The following ATP10B variants were observed in gnomAD, a reference collection of about 807,000 sequenced individuals.
ATP10B encodes the protein ATPase phospholipid transporting 10B (putative).
ATP10B carries 122 observed loss-of-function variants against 141.2 expected under a neutral mutation model. The ratio of observed to expected loss-of-function variants is 0.86; its 90% CI spans 0.75 to 1.00. The LOEUF (loss-of-function observed/expected upper bound fraction) is 1.00. ATP10B is among the 50% of genes least tolerant of loss of function. ATP10B has a pLI of 0.00. For synonymous variants in ATP10B, 685 were observed against 692.0 expected (o/e 0.99, Z 0.16); for missense variants, 1,876 against 1,825.3 (o/e 1.03, Z -0.51).
chr5:160,598,334 C>T (rs962799863), intron 22 of ATP10B, among the ~76,000 whole-genome samples: 7 of 151,850 alleles, frequency 4.6e-5, no homozygotes, highest in Admixed American at 1.3e-4. Context: ...GGGAATTGAA[C>T]AATGAGAACA....
At chr5:160,783,877 C>T (rs1003425462) in intron 2 of ATP10B, among the ~76,000 whole-genome samples, 20 of 152,030 alleles carry the variant, frequency 1.3e-4, no homozygotes, top group African/African-American at 3.9e-4. Flanking sequence ...CCCTGTTCAC[C>T]GCCTCCAAGC....
chr5:160,674,976 T>C (rs1762932543), intron 6 of ATP10B, among the ~76,000 whole-genome samples: 1 of 152,162 alleles, frequency 6.6e-6, no homozygotes, highest in African/African-American at 2.4e-5. Context: ...CTTTGTCTCC[T>C]CCACTGTCAG....
intron 6 of ATP10B, among the ~76,000 whole-genome samples, chr5:160,681,983 C>T (rs1299457788): frequency 1.3e-5 from 2 of 152,194 alleles, no homozygotes; most frequent in African/African-American, 4.8e-5. Flanking sequence ...CCATAGTCAC[C>T]ACCATTCCCT....
chr5:160,898,443 A>G, the ATP10B span, among the ~76,000 whole-genome samples: 1 of 152,248 alleles, frequency 6.6e-6, no homozygotes, highest in East Asian at 1.9e-4. Flanking sequence ...AACCACAATG[A>G]GATACCATCT....
At chr5:160,651,431 C>A (rs1454399507) in intron 7 of ATP10B, among the ~76,000 whole-genome samples, 1 of 152,112 alleles carries the variant, frequency 6.6e-6, no homozygotes, top group Admixed American at 6.5e-5. Context: ...CTACGTTCAA[C>A]TCATGAGCCT....
At chr5:160,639,433 G>GTAA (rs1759660277) in intron 10 of ATP10B, among the ~76,000 whole-genome samples, 1 of 152,178 alleles carries the variant, frequency 6.6e-6, no homozygotes, top group South Asian at 2.1e-4. Flanking sequence ...GCCCAATGAT[G>GTAA]TAATCACAGG....
chr5:160,777,433 G>T (rs1330179576), intron 2 of ATP10B, among the ~76,000 whole-genome samples: 1 of 152,214 alleles, frequency 6.6e-6, no homozygotes, highest in African/African-American at 2.4e-5. Context: ...GCTTCCCACA[G>T]CTGCACTGGG....
chr5:160,806,621 CAAT>C (rs1399049726), intron 1 of ATP10B, among the ~76,000 whole-genome samples: 4 of 152,322 alleles, frequency 2.6e-5, no homozygotes, highest in African/African-American at 9.6e-5. Context: ...GGAACAACAA[CAAT>C]GATTAACATG....
chr5:160,815,979 A>C (rs972714881), intron 1 of ATP10B, among the ~76,000 whole-genome samples: 22 of 152,054 alleles, frequency 1.4e-4, no homozygotes, highest in South Asian at 2.1e-4. Flanking sequence ...ACAAAGACAC[A>C]ACATACCAGA....
chr5:160,733,773 A>G (rs1422740033), intron 2 of ATP10B, among the ~76,000 whole-genome samples: 1 of 151,986 alleles, frequency 6.6e-6, no homozygotes, highest in East Asian at 1.9e-4. Context: ...CCAAAGAAAA[A>G]AAATCAACTC....
intron 2 of ATP10B, among the ~76,000 whole-genome samples, chr5:160,738,279 T>C (rs905678600): frequency 1.3e-5 from 2 of 152,038 alleles, no homozygotes; most frequent in Non-Finnish European, 2.9e-5. Context: ...TAAATGAGTG[T>C]TTGAGAAATA....
chr5:160,910,151 A>G, the ATP10B span, among the ~76,000 whole-genome samples: 17 of 152,204 alleles, frequency 1.1e-4, no homozygotes, highest in African/African-American at 3.6e-4. Context: ...CTGACTCTTA[A>G]GAAGCCTGTA....
chr5:160,767,541 T>C (rs890921279), intron 2 of ATP10B, among the ~76,000 whole-genome samples: 2 of 151,892 alleles, frequency 1.3e-5, no homozygotes, highest in Non-Finnish European at 2.9e-5. Context: ...ATTGGAATTA[T>C]CTGTTGCCAT....
chr5:160,650,118 T>TCATATATATA (rs1554100202), intron 7 of ATP10B, among the ~76,000 whole-genome samples: 1 of 145,974 alleles, frequency 6.9e-6, no homozygotes, highest in African/African-American at 2.6e-5. Flanking sequence ...AAAAAAAATT[T>TCATATATATA]TATATATATA....
At chr5:160,566,861 T>A (rs1464793159) in intron 25 of ATP10B, among the ~76,000 whole-genome samples, 1 of 152,192 alleles carries the variant, frequency 6.6e-6, no homozygotes, top group Admixed American at 6.5e-5. Flanking sequence ...TCTTTAAATA[T>A]TTTTTATGTT....
intron 2 of ATP10B, among the ~76,000 whole-genome samples, chr5:160,783,458 TATATC>T (rs1170498322): frequency 7.1e-6 from 1 of 140,500 alleles, no homozygotes; most frequent in Non-Finnish European, 1.5e-5. Flanking sequence ...TATATATATA[TATATC>T]ATATATATAT....
At chr5:160,641,445 G>A (rs1010745328) in intron 9 of ATP10B, among the ~76,000 whole-genome samples, 8 of 152,214 alleles carry the variant, frequency 5.3e-5, no homozygotes, top group Non-Finnish European at 1.2e-4. Context: ...TTAAAGAAAG[G>A]ATGACAAAGT....
intron 7 of ATP10B, among the ~76,000 whole-genome samples, chr5:160,666,170 C>T (rs560842511): frequency 7.9e-5 from 12 of 152,218 alleles, no homozygotes; most frequent in African/African-American, 1.2e-4. Context: ...CTGGAGATGG[C>T]GCCTCTCCTT....
the ATP10B span, among the ~76,000 whole-genome samples, chr5:160,922,390 C>T: frequency 1.1e-4 from 17 of 152,192 alleles, no homozygotes; most frequent in South Asian, 4.1e-4. Flanking sequence ...GGGCCTGCCA[C>T]GTTGTTAGTG....
Sources: allele counts gnomAD v4.1 joint callset (sites outside exome capture counted in the v4.1 genomes callset), GRCh38; gene constraint gnomAD v4.1.1; transcripts MANE v1.5; gene names NCBI Gene and HGNC (gene_info 2026-07-23, HGNC 2026-07-21).